The following ZC3H12B variants were observed in gnomAD, a reference collection of about 807,000 sequenced individuals.
The protein encoded by ZC3H12B is probable ribonuclease ZC3H12B.
ZC3H12B carries 7 observed loss-of-function variants against 43.9 expected under a neutral mutation model. The observed-to-expected ratio is 0.16, with a 90% CI of 0.09 to 0.30. The LOEUF (loss-of-function observed/expected upper bound fraction) is 0.30, where lower values mean the gene tolerates loss of function less well. Among genes scored for constraint, ZC3H12B ranks in the 10% least tolerant of loss-of-function variants. ZC3H12B has a pLI of 1.00. For synonymous variants in ZC3H12B, 222 were observed against 241.7 expected, an observed-to-expected ratio of 0.92 and a Z score of 0.76; for missense variants, 475 against 670.2, an observed-to-expected ratio of 0.71 and a Z score of 3.22.
At chrX:65,144,420 C>T in the ZC3H12B span, among the ~76,000 whole-genome samples, 12 of 111,816 alleles carry the variant, frequency 1.1e-4, no homozygotes, top group Non-Finnish European at 1.5e-4. Flanking sequence ...TTTCAAAGAA[C>T]GAGGTTTTTG....
the ZC3H12B span, among the ~76,000 whole-genome samples, chrX:65,235,209 C>G: frequency 2.2e-4 from 24 of 111,286 alleles, no homozygotes; most frequent in Non-Finnish European, 3.8e-4. Context: ...GGTATATACC[C>G]AGTAATGGGA....
the ZC3H12B span, among the ~76,000 whole-genome samples, chrX:65,122,351 C>G: frequency 9.0e-6 from 1 of 110,835 alleles, no homozygotes; most frequent in Non-Finnish European, 1.9e-5. Context: ...ATTTTGTCAC[C>G]ACCAGGCCTG....
At chrX:65,082,228 C>G in the ZC3H12B span, among the ~76,000 whole-genome samples, 3 of 110,593 alleles carry the variant, frequency 2.7e-5, no homozygotes, top group Non-Finnish European at 5.7e-5. Context: ...AAAGCAAGTA[C>G]AAACCAAATG....
chrX:65,373,442 G>A (rs932786131), intron 2 of ZC3H12B, among the ~76,000 whole-genome samples: 3 of 111,148 alleles, frequency 2.7e-5, no homozygotes, highest in South Asian at 3.8e-4. Context: ...ACATACACAC[G>A]TATGTTTATT....
chrX:65,275,014 T>C, the ZC3H12B span, among the ~76,000 whole-genome samples: 502 of 112,109 alleles, frequency 4.5e-3, 1 homozygote, highest in Non-Finnish European at 6.9e-3. Context: ...CCATATTCCA[T>C]GACTGAGAAA....
the ZC3H12B span, among the ~76,000 whole-genome samples, chrX:65,102,125 G>A: frequency 2.7e-5 from 3 of 111,511 alleles, no homozygotes; most frequent in African/African-American, 9.8e-5. Flanking sequence ...CAGAACCAAT[G>A]AGAAAAACCA....
intron 3 of ZC3H12B, among the ~76,000 whole-genome samples, chrX:65,451,574 A>G (rs770520668): frequency 2.3e-4 from 26 of 111,553 alleles, no homozygotes; most frequent in Non-Finnish European, 4.3e-4. Flanking sequence ...ACTCAGCCTT[A>G]AGTAATCCTT....
intron 1 of ZC3H12B, among the ~76,000 whole-genome samples, chrX:65,494,642 A>T (rs941272862): frequency 1.6e-4 from 17 of 109,112 alleles, no homozygotes; most frequent in African/African-American, 5.7e-4. Context: ...TTAGCTGGGC[A>T]TGTTGGCGTG....
chrX:65,272,260 C>T, the ZC3H12B span: 4 of 76,962 alleles, frequency 5.2e-5, no homozygotes, highest in African/African-American at 1.2e-3. Flanking sequence ...GAGCCTAATA[C>T]TAAATTTAGT....
chrX:65,273,412 G>GAA, the ZC3H12B span, among the ~76,000 whole-genome samples: 1 of 106,456 alleles, frequency 9.4e-6, no homozygotes, highest in Admixed American at 1.0e-4. Context: ...TGTCTGAATA[G>GAA]AAAAAAAAAG....
the ZC3H12B span, among the ~76,000 whole-genome samples, chrX:65,194,311 G>A: frequency 9.3e-6 from 1 of 106,957 alleles, no homozygotes; most frequent in Non-Finnish European, 1.9e-5. Flanking sequence ...GAGTTAATGG[G>A]TGCAGCACTC....
At chrX:65,179,612 G>A in the ZC3H12B span, among the ~76,000 whole-genome samples, 4 of 110,456 alleles carry the variant, frequency 3.6e-5, no homozygotes, top group African/African-American at 9.9e-5. Context: ...TAATAAAGAA[G>A]AAAAGGGAGA....
chrX:65,454,053 C>G (rs1382871103), intron 3 of ZC3H12B, among the ~76,000 whole-genome samples: 1 of 111,873 alleles, frequency 8.9e-6, no homozygotes, highest in Non-Finnish European at 1.9e-5. Context: ...TCTACAGCAC[C>G]CAGCGTGAGT....
the ZC3H12B span, among the ~76,000 whole-genome samples, chrX:65,294,208 T>C: frequency 8.9e-6 from 1 of 111,747 alleles, no homozygotes; most frequent in Non-Finnish European, 1.9e-5. Flanking sequence ...CTTTAGCATC[T>C]TTAAACAAGA....
the ZC3H12B span, among the ~76,000 whole-genome samples, chrX:65,247,216 T>C: frequency 8.9e-6 from 1 of 112,083 alleles, no homozygotes; most frequent in African/African-American, 3.2e-5. Flanking sequence ...AGAATGACTA[T>C]TATTAAAAAG....
chrX:65,430,896 TA>T (rs2067152939), intron 3 of ZC3H12B, among the ~76,000 whole-genome samples: 1 of 111,266 alleles, frequency 9.0e-6, no homozygotes, highest in Non-Finnish European at 1.9e-5. Flanking sequence ...GTTGTTTGCC[TA>T]ATCAGTCCCA....
chrX:65,129,747 G>T, the ZC3H12B span, among the ~76,000 whole-genome samples: 1 of 110,436 alleles, frequency 9.1e-6, no homozygotes, highest in Admixed American at 9.6e-5. Context: ...AAGTGTTGGG[G>T]CAGCAAAAAT....
In ZC3H12B at chrX:65,431,412, T is replaced by C. The variant is rs368463481; in HGVS notation, n.407+32708T>C. On this transcript the variant is annotated intron_variant and non_coding_transcript_variant, in intron 3 of 5. Coordinates refer to the ZC3H12B transcript ENST00000617377. ...TGTATTTGTTTTTGTTGCTGGCAGA[T>C]TGGGGACTCAGTGGTGGCCTTAGCC... Among the ~76,000 whole-genome samples, 52 of 112,465 alleles carry C rather than the reference T, an allele frequency of 4.6e-4. No homozygotes were observed. In the East Asian group the frequency reaches 0.013, roughly 29 times the overall value.
At chrX:65,339,158 G>A in the ZC3H12B span, among the ~76,000 whole-genome samples, 255 of 111,211 alleles carry the variant, frequency 2.3e-3, 2 homozygotes, top group African/African-American at 7.7e-3. Flanking sequence ...ACACAAACAG[G>A]AGCAACAATT....
Sources: gnomAD v4.1 joint callset for allele counts (sites outside exome capture counted in the v4.1 genomes callset) on GRCh38, gnomAD v4.1.1 for gene constraint, MANE v1.5 for transcripts, NCBI Gene and HGNC (gene_info 2026-07-23, HGNC 2026-07-21) for gene names.